The following KIAA1217 variants were observed in gnomAD, a reference collection of about 807,000 sequenced individuals.
KIAA1217 encodes the protein KIAA1217, also known as sickle tail protein homolog.
In KIAA1217, 88 loss-of-function variants were observed where a neutral mutation model predicts 163.9. The ratio of observed to expected loss-of-function variants is 0.54; its 90% CI spans 0.45 to 0.64. The LOEUF is 0.64. KIAA1217 is among the 30% of genes least tolerant of loss of function. KIAA1217 has a pLI of 0.00. For synonymous variants in KIAA1217, 903 were observed against 923.1 expected, an observed-to-expected ratio of 0.98 and a Z score of 0.39; for missense variants, 2,372 against 2,475.0, an observed-to-expected ratio of 0.96 and a Z score of 0.88.
Position 24,089,373 on chromosome 10 carries a change from G to C in KIAA1217, c.-171+81999G>C, listed in dbSNP as rs1005750647. 3.2e-5 allele frequency among the ~76,000 whole-genome samples: 4 copies of C among 125,110 alleles called. 1 individual carries two copies. The highest frequency in any genetic ancestry group is 1.0e-4 in the African/African-American group (4 of 39,852). The allele number at this position is 125,110 out of a possible 152,430, so 82.1% of individuals were successfully genotyped here. A position where few individuals can be genotyped will look rare whatever the true frequency, so the allele number is the denominator to read the frequency against. ...TTTTAGTCATGAAGTCTTTGCCCATGCCTATGTCCCGAATGGTATTTCCTA... is the reference window on the plus strand; with the variant it reads ...TTTTAGTCATGAAGTCTTTGCCCATCCCTATGTCCCGAATGGTATTTCCTA... On this transcript the variant is annotated intron_variant, in intron 2 of 18. Coordinates refer to the KIAA1217 transcript ENST00000376462.
At chr10:24,465,177 TAAC>T (rs72139829) in intron 5 of KIAA1217, among the ~76,000 whole-genome samples, 20,761 of 152,132 alleles carry the variant, frequency 0.14, 1,755 homozygotes, top group East Asian at 0.33. Flanking sequence ...TGGTGAGAAA[TAAC>T]AAACCCTTGC....
intron 2 of KIAA1217, among the ~76,000 whole-genome samples, chr10:24,293,580 G>A (rs879379374): frequency 3.3e-5 from 5 of 152,232 alleles, no homozygotes; most frequent in Non-Finnish European, 5.9e-5. Context: ...CAGGCTGAGA[G>A]TGACTCAGCT....
intron 3 of KIAA1217, among the ~76,000 whole-genome samples, chr10:24,412,416 G>A (rs1048134808): frequency 6.6e-6 from 1 of 152,152 alleles, no homozygotes; most frequent in African/African-American, 2.4e-5. Flanking sequence ...ACTGTTTCCA[G>A]TTCTTCTCCT....
rs568564056 is a variant in KIAA1217, at chr10:23,770,468, A to G, written c.-321+75234A>G. On this transcript the variant is annotated intron_variant, in intron 1 of 18. Coordinates refer to the KIAA1217 transcript ENST00000376462. ...GCTACTCACTGATAGGTAAAGTTCAATGAGTTCATTTGTGGTGGTGGAAGG... is the reference window on the plus strand; with the variant it reads ...GCTACTCACTGATAGGTAAAGTTCAGTGAGTTCATTTGTGGTGGTGGAAGG... Among the ~76,000 whole-genome samples the G allele has an allele frequency of 1.4e-4, 22 of 152,322 alleles. 1 individual carries two copies. The highest frequency in any genetic ancestry group is 5.3e-4 in the African/African-American group (22 of 41,568).
At chr10:24,524,876 C>T in intron 13 of KIAA1217, 112 bp downstream of exon 13, 3 of 1,027,172 alleles carry the variant, frequency 2.9e-6, no homozygotes, top group Non-Finnish European at 2.8e-6. Context: ...GGATCAGAGA[C>T]AGGGTTTTGG....
chr10:23,835,265 A>T (rs2131050459), intron 1 of KIAA1217, among the ~76,000 whole-genome samples: 1 of 152,308 alleles, frequency 6.6e-6, no homozygotes, highest in Admixed American at 6.5e-5. Flanking sequence ...TTTCAAGAGG[A>T]GAAAGAAAGA....
At chr10:23,982,093 G>C (rs1489804420) in intron 1 of KIAA1217, among the ~76,000 whole-genome samples, 1 of 151,794 alleles carries the variant, frequency 6.6e-6, no homozygotes, top group African/African-American at 2.4e-5. Context: ...GAAGCTGCAG[G>C]AAATCTTGTG....
chr10:23,846,752 C>A (rs927446642), intron 1 of KIAA1217, among the ~76,000 whole-genome samples: 1 of 152,260 alleles, frequency 6.6e-6, no homozygotes. Flanking sequence ...ATTGCCCTGG[C>A]CAGAACTTCC....
At chr10:24,071,090 A>G (rs1402718119) in intron 2 of KIAA1217, among the ~76,000 whole-genome samples, 2 of 152,216 alleles carry the variant, frequency 1.3e-5, no homozygotes, top group Non-Finnish European at 2.9e-5. Context: ...GGCATCATCA[A>G]GAGAATAAGA....
chr10:23,971,281 T>G (rs187855572), intron 1 of KIAA1217, among the ~76,000 whole-genome samples: 41 of 152,326 alleles, frequency 2.7e-4, no homozygotes, highest in Non-Finnish European at 5.0e-4. Context: ...CCATTTTGCA[T>G]CTTAGTGCTC....
rs2063790699 is a variant in KIAA1217, at chr10:24,135,240, T to G, written c.-170-84386T>G. ...CAGCGGGCTGCCACACCAGTGATGG[T>G]CCCCGTCTCAGCAAGGGATCTGGAG... On this transcript the variant is annotated intron_variant, in intron 2 of 18. Transcript: ENST00000376462. 1.3e-5 allele frequency among the ~76,000 whole-genome samples: 2 copies of G among 152,088 alleles called. 1 individual carries two copies. The highest frequency in any genetic ancestry group is 4.2e-4 in the South Asian group (2 of 4,818).
chr10:24,099,844 GT>G (rs1351749983), intron 2 of KIAA1217, among the ~76,000 whole-genome samples: 4 of 150,694 alleles, frequency 2.7e-5, no homozygotes, highest in Middle Eastern at 3.2e-3. Context: ...GTGGTGTTTG[GT>G]TTTTTTGTCC....
intron 3 of KIAA1217, among the ~76,000 whole-genome samples, chr10:24,405,555 G>A (rs975897897): frequency 2.6e-5 from 4 of 152,128 alleles, no homozygotes; most frequent in African/African-American, 7.2e-5. Flanking sequence ...TTTCTAGAAG[G>A]AGACTGATAG....
intron 1 of KIAA1217, among the ~76,000 whole-genome samples, chr10:23,826,730 C>A (rs1837917353): frequency 6.6e-6 from 1 of 152,098 alleles, no homozygotes; most frequent in Non-Finnish European, 1.5e-5. Context: ...TCTGTTGTAA[C>A]TTTAAAGCTC....
At chr10:24,336,400 C>A (rs985550628) in intron 2 of KIAA1217, among the ~76,000 whole-genome samples, 12 of 152,222 alleles carry the variant, frequency 7.9e-5, no homozygotes, top group Non-Finnish European at 1.6e-4. Context: ...GTGTGCTTAA[C>A]AATTACACTT....
intron 1 of KIAA1217, among the ~76,000 whole-genome samples, chr10:23,926,549 G>GC (rs1415949628): frequency 6.6e-6 from 1 of 151,888 alleles, no homozygotes; most frequent in Non-Finnish European, 1.5e-5. Context: ...ACATGGTGAA[G>GC]CCCCGTCTCT....
chr10:24,507,505 A>G (rs767013770), intron 9 of KIAA1217, among the ~76,000 whole-genome samples: 5 of 152,224 alleles, frequency 3.3e-5, no homozygotes, highest in Non-Finnish European at 7.3e-5. Flanking sequence ...GAGCTGAAAA[A>G]CAATATCCAA....
chr10:23,744,438 G>A (rs1839287906), intron 1 of KIAA1217, among the ~76,000 whole-genome samples: 1 of 152,152 alleles, frequency 6.6e-6, no homozygotes, highest in Admixed American at 6.5e-5. Flanking sequence ...AAATTGAGGA[G>A]GTGTCAGTGG....
intron 2 of KIAA1217, among the ~76,000 whole-genome samples, chr10:24,065,709 G>C (rs951358284): frequency 6.6e-6 from 1 of 152,104 alleles, no homozygotes; most frequent in African/African-American, 2.4e-5. Context: ...TTAACTTTCT[G>C]TCTCATTGAT....
Sources: allele counts gnomAD v4.1 joint callset (sites outside exome capture counted in the v4.1 genomes callset), GRCh38; gene constraint gnomAD v4.1.1; transcripts MANE v1.5; gene names NCBI Gene and HGNC (gene_info 2026-07-23, HGNC 2026-07-21).